The following SHANK2 variants were observed in gnomAD, a reference collection of about 807,000 sequenced individuals.
The protein encoded by SHANK2 is SH3 and multiple ankyrin repeat domains protein 2.
SHANK2 carries 43 observed loss-of-function variants against 133.7 expected under a neutral mutation model. That is an observed-to-expected ratio of 0.32 (90% CI 0.25 to 0.41). The LOEUF (loss-of-function observed/expected upper bound fraction) is 0.41, where lower values mean the gene tolerates loss of function less well. Ranked by LOEUF, SHANK2 falls within the 10% of genes least tolerant of loss-of-function variation. The probability of loss-of-function intolerance (pLI) is 1.00; values close to 1 mark genes in which losing one functional copy is unlikely to be tolerated. For synonymous variants in SHANK2, 1,017 were observed against 952.8 expected (o/e 1.07, Z -1.24); for missense variants, 1,994 against 2,235.8 (o/e 0.89, Z 2.18).
rs181086057 is a variant in SHANK2 at position 70,568,750 on chromosome 11, C to T, written c.2062-65819G>A. Among the ~76,000 whole-genome samples, 3 of 151,252 alleles carry T rather than the reference C, an allele frequency of 2.0e-5. No homozygotes were observed. In the East Asian group the frequency reaches 5.9e-4, roughly 30 times the overall value. On this transcript the variant is annotated intron_variant, in intron 17 of 25. Transcript: ENST00000601538. Reference sequence around the variant, plus strand: ...CCAGGCATGGTCCGTCTGGAAGAAGCCAGGTTCAGGGAGCAATTCTGCAAG... The same window carrying T: ...CCAGGCATGGTCCGTCTGGAAGAAGTCAGGTTCAGGGAGCAATTCTGCAAG...
intron 17 of SHANK2, among the ~76,000 whole-genome samples, chr11:70,581,189 C>T (rs1292788079): frequency 6.6e-6 from 1 of 152,194 alleles, no homozygotes; most frequent in Non-Finnish European, 1.5e-5. Flanking sequence ...GTTTGAAGGG[C>T]AAGGGAAGAA....
chr11:70,583,205 T>C (rs1388051725), intron 17 of SHANK2, among the ~76,000 whole-genome samples: 5 of 152,060 alleles, frequency 3.3e-5, no homozygotes, highest in African/African-American at 1.2e-4. Context: ...GCTCCAAAGA[T>C]GGGGGATTCC....
intron 11 of SHANK2, among the ~76,000 whole-genome samples, chr11:70,837,988 A>AG (rs1948847155): frequency 6.6e-6 from 1 of 150,442 alleles, no homozygotes; most frequent in African/African-American, 2.4e-5. Flanking sequence ...AAAAAAAAAA[A>AG]AAAAAAAAAA....
At chr11:70,744,943 C>G (rs1946607143) in intron 14 of SHANK2, among the ~76,000 whole-genome samples, 1 of 152,218 alleles carries the variant, frequency 6.6e-6, no homozygotes, top group South Asian at 2.1e-4. Flanking sequence ...GCAGCTGCAC[C>G]CTGCAGCTCT....
At chr11:71,181,964 G>A (rs528544766) in intron 2 of SHANK2, among the ~76,000 whole-genome samples, 17 of 152,234 alleles carry the variant, frequency 1.1e-4, no homozygotes, top group East Asian at 3.9e-4. Context: ...CAACCTTGCC[G>A]GAGGGGCAGC....
At chr11:70,635,919 G>A (rs2061072165) in intron 17 of SHANK2, among the ~76,000 whole-genome samples, 1 of 152,176 alleles carries the variant, frequency 6.6e-6, no homozygotes, top group South Asian at 2.1e-4. Context: ...AGCCTGAAAG[G>A]CCCCGTAGGG....
At chr11:71,248,130 G>A (rs1157270897) in intron 1 of SHANK2, among the ~76,000 whole-genome samples, 2 of 152,206 alleles carry the variant, frequency 1.3e-5, no homozygotes, top group African/African-American at 4.8e-5. Context: ...ATTGTCCCCC[G>A]CCCTGCAAAG....
intron 1 of SHANK2, among the ~76,000 whole-genome samples, chr11:71,235,844 C>T (rs1054346916): frequency 2.0e-5 from 3 of 152,122 alleles, no homozygotes; most frequent in Non-Finnish European, 4.4e-5. Flanking sequence ...GAGTGGCTGC[C>T]GTGACGATGG....
At chr11:70,954,254 C>T (rs1026579060) in intron 10 of SHANK2, among the ~76,000 whole-genome samples, 6 of 152,158 alleles carry the variant, frequency 3.9e-5, no homozygotes, top group East Asian at 1.9e-4. Flanking sequence ...GAGAAGGGTC[C>T]GCTGAGCAGA....
At chr11:70,657,151 A>T (rs1475931540) in intron 17 of SHANK2, among the ~76,000 whole-genome samples, 1 of 152,224 alleles carries the variant, frequency 6.6e-6, no homozygotes, top group Non-Finnish European at 1.5e-5. Flanking sequence ...TCAAAATAGC[A>T]GAGAGAAAGG....
In SHANK2 at chr11:70,479,747, G is replaced by T. The variant is rs573433159; in HGVS notation, c.4979+5567C>A. Among the ~76,000 whole-genome samples, 1 of 152,238 alleles carries T rather than the reference G, an allele frequency of 6.6e-6. No homozygotes were observed. Among genetic ancestry groups the T allele is most frequent in the Non-Finnish European group, 1.5e-5 (1 of 68,036 alleles). ...TGAAGCTGACCTCTGCCATGGAAGC[G>T]ATGGTAAAGAACATCAGATTTATCT... On this transcript the variant is annotated intron_variant, in intron 25 of 25. Transcript: ENST00000601538. The surrounding 1 kb of genome is among the most constrained non-coding windows in gnomAD (Gnocchi z 4.4).
At chr11:71,056,793 C>A (rs920021771) in intron 9 of SHANK2, among the ~76,000 whole-genome samples, 2 of 129,778 alleles carry the variant, frequency 1.5e-5, no homozygotes, top group Non-Finnish European at 3.5e-5. Flanking sequence ...AAGTCTTGCA[C>A]ATGTATATAA....
chr11:71,182,840 C>T (rs1020532815), intron 2 of SHANK2, among the ~76,000 whole-genome samples: 3 of 152,150 alleles, frequency 2.0e-5, no homozygotes, highest in African/African-American at 4.8e-5. Context: ...TAAAATATTT[C>T]GCTTCCCTAA....
At position 71,113,247 on chromosome 11, in the gene SHANK2, G is replaced by T. The variant is rs1555099739; in HGVS notation, c.483+46C>A. The T allele has an allele frequency of 2.7e-6, 4 of 1,495,410 alleles. No homozygotes were observed. In the Admixed American group the frequency reaches 7.9e-5, roughly 29 times the overall value. The allele number at this position is 1,495,410 out of a possible 1,614,324, so 92.6% of individuals were successfully genotyped here. A position where few individuals can be genotyped will look rare whatever the true frequency, so the allele number is the denominator to read the frequency against. On this transcript the variant is annotated intron_variant, in intron 5 of 25. Coordinates refer to ENST00000601538, the MANE Select transcript of SHANK2 (RefSeq NM_012309.5). ...GATAACACAACAAGATAACAAGGAGGACGCCGCCTGCCTAACGTGTAAATA... is the reference window on the plus strand; with the variant it reads ...GATAACACAACAAGATAACAAGGAGTACGCCGCCTGCCTAACGTGTAAATA...
chr11:70,743,549 C>T (rs1348366744), intron 14 of SHANK2, among the ~76,000 whole-genome samples: 7 of 152,200 alleles, frequency 4.6e-5, no homozygotes, highest in Admixed American at 1.3e-4. Flanking sequence ...CAGGAGGAGA[C>T]GTGATTCCTA....
intron 17 of SHANK2, among the ~76,000 whole-genome samples, chr11:70,599,946 A>C (rs1260023389): frequency 1.5e-5 from 2 of 131,386 alleles, no homozygotes; most frequent in Admixed American, 1.4e-4. Flanking sequence ...AAAGAAAGAA[A>C]GAAAGAAAGA....
intron 10 of SHANK2, among the ~76,000 whole-genome samples, chr11:70,913,416 CA>C (rs1442214648): frequency 2.7e-5 from 4 of 149,548 alleles, no homozygotes; most frequent in South Asian, 4.3e-4. Flanking sequence ...CCTCCGGGAA[CA>C]AAAAAAAATC....
intron 17 of SHANK2, among the ~76,000 whole-genome samples, chr11:70,648,778 G>C (rs942595424): frequency 6.6e-6 from 1 of 152,186 alleles, no homozygotes; most frequent in African/African-American, 2.4e-5. Context: ...GGAGGAAGGA[G>C]ACCCTTGTCC....
intron 14 of SHANK2, among the ~76,000 whole-genome samples, chr11:70,747,352 G>A (rs1045350031): frequency 6.6e-6 from 1 of 152,142 alleles, no homozygotes; most frequent in Admixed American, 6.5e-5. Flanking sequence ...TTACCAGCTG[G>A]CTACCCGGAG....
Sources: gnomAD v4.1 joint callset for allele counts (sites outside exome capture counted in the v4.1 genomes callset) on GRCh38, gnomAD v4.1.1 for gene constraint, Gnocchi (gnomAD v3.1) non-coding constraint, MANE v1.5 for transcripts, NCBI Gene and HGNC (gene_info 2026-07-23, HGNC 2026-07-21) for gene names.